Variants in CEP128 observed in about 807,000 individuals in gnomAD.
CEP128 encodes the protein centrosomal protein 128kDa.
CEP128 carries 132 observed loss-of-function variants against 156.7 expected under a neutral mutation model. The observed-to-expected ratio is 0.84, with a 90% CI of 0.73 to 0.97. The LOEUF (loss-of-function observed/expected upper bound fraction) is 0.97, where lower values mean the gene tolerates loss of function less well. CEP128 is among the 50% of genes least tolerant of loss of function. The pLI is 0.00. For missense variants in CEP128, 1,252 were observed against 1,281.9 expected, an observed-to-expected ratio of 0.98 and a Z score of 0.36; for synonymous variants, 469 against 448.9, an observed-to-expected ratio of 1.04 and a Z score of -0.57.
At chr14:80,639,216 C>G (rs1404962698) in intron 19 of CEP128, among the ~76,000 whole-genome samples, 1 of 152,080 alleles carries the variant, frequency 6.6e-6, no homozygotes, top group Non-Finnish European at 1.5e-5. Flanking sequence ...GATTGTGAAG[C>G]TATTATACAA....
intron 18 of CEP128, among the ~76,000 whole-genome samples, chr14:80,754,436 A>G (rs1395149762): frequency 1.3e-5 from 2 of 151,198 alleles, no homozygotes; most frequent in Non-Finnish European, 2.9e-5. Context: ...TGTCTTTCCT[A>G]AAGACCAGGA....
intron 20 of CEP128, among the ~76,000 whole-genome samples, chr14:80,579,187 G>A (rs2140440424): frequency 6.6e-6 from 1 of 152,192 alleles, no homozygotes; most frequent in South Asian, 2.1e-4. Context: ...GCCTAAAAAA[G>A]ACTTTCTCAA....
chr14:80,701,703 G>A (rs189069566), intron 19 of CEP128, among the ~76,000 whole-genome samples: 106 of 152,228 alleles, frequency 7.0e-4, no homozygotes, highest in African/African-American at 2.3e-3. Flanking sequence ...TACTCTATCA[G>A]TCTTCCCATC....
At chr14:80,910,416 C>T (rs1443928425) in intron 4 of CEP128, among the ~76,000 whole-genome samples, 3 of 152,116 alleles carry the variant, frequency 2.0e-5, no homozygotes, top group African/African-American at 4.8e-5. Flanking sequence ...ACCATCCCCG[C>T]TTGGTACTGT....
intron 16 of CEP128, among the ~76,000 whole-genome samples, chr14:80,776,026 G>T (rs58339189): frequency 6.6e-6 from 1 of 152,008 alleles, no homozygotes; most frequent in Non-Finnish European, 1.5e-5. Context: ...CAGAGACAGG[G>T]CTTCACCACG....
chr14:80,806,604 A>G (rs2139918289), intron 13 of CEP128, among the ~76,000 whole-genome samples: 1 of 152,312 alleles, frequency 6.6e-6, no homozygotes, highest in South Asian at 2.1e-4. Context: ...GAAAATTTTA[A>G]TAAAAATAGG....
chr14:80,703,781 T>TTG (rs1491159203), intron 19 of CEP128, among the ~76,000 whole-genome samples: 5 of 151,898 alleles, frequency 3.3e-5, no homozygotes, highest in African/African-American at 4.8e-5. Flanking sequence ...TTACCCACAC[T>TTG]TGTGTGTGTG....
intron 19 of CEP128, among the ~76,000 whole-genome samples, chr14:80,660,451 TAA>T (rs1178854134): frequency 6.6e-6 from 1 of 152,188 alleles, no homozygotes; most frequent in Non-Finnish European, 1.5e-5. Flanking sequence ...ATAAAAAATA[TAA>T]AGTTAGATCT....
At chr14:80,812,359 GAACATA>G in intron 13 of CEP128, among the ~76,000 whole-genome samples, 1 of 152,190 alleles carries the variant, frequency 6.6e-6, no homozygotes, top group Non-Finnish European at 1.5e-5. Context: ...GTGTTGCAAT[GAACATA>G]GACACCTATA....
chr14:80,730,593 A>G (rs922701148), intron 19 of CEP128, among the ~76,000 whole-genome samples: 12 of 152,220 alleles, frequency 7.9e-5, no homozygotes, highest in African/African-American at 2.9e-4. Context: ...AGAGAGACAA[A>G]TATTTCATGA....
chr14:80,605,631 C>T (rs1020397749), intron 19 of CEP128, among the ~76,000 whole-genome samples: 8 of 151,966 alleles, frequency 5.3e-5, no homozygotes, highest in Non-Finnish European at 1.0e-4. Flanking sequence ...GATTTTTTCA[C>T]AAATGGATTA....
At chr14:80,794,608 C>A (rs1901889907) in intron 13 of CEP128, among the ~76,000 whole-genome samples, 1 of 152,100 alleles carries the variant, frequency 6.6e-6, no homozygotes, top group African/African-American at 2.4e-5. Flanking sequence ...AGAAATGGAA[C>A]TGATTTTTCT....
intron 19 of CEP128, among the ~76,000 whole-genome samples, chr14:80,742,435 C>A (rs1217036426): frequency 6.6e-6 from 1 of 152,106 alleles, no homozygotes; most frequent in Non-Finnish European, 1.5e-5. Flanking sequence ...TACCAAGGTG[C>A]TTCTTCAGTC....
In CEP128 at chr14:80,524,856, T is replaced by C. The variant is rs770928752; in HGVS notation, c.3072+2013A>G. Among the ~76,000 whole-genome samples the C allele has an allele frequency of 2.0e-5, 3 of 152,332 alleles. No homozygotes were observed. The East Asian group carries it at 5.8e-4, about 29-fold the overall frequency. Reference sequence around the variant, plus strand: ...TCTATTCTATACTTGCACTATCTACTTGCAAAATTTTCAAATTTGTTTTTC... The same window carrying C: ...TCTATTCTATACTTGCACTATCTACCTGCAAAATTTTCAAATTTGTTTTTC... On this transcript the variant is annotated intron_variant, in intron 23 of 24. Coordinates refer to ENST00000555265, the MANE Select transcript of CEP128 (RefSeq NM_152446.5).
At chr14:80,508,695 T>A (rs554477283) in intron 23 of CEP128, among the ~76,000 whole-genome samples, 12 of 152,326 alleles carry the variant, frequency 7.9e-5, no homozygotes, top group African/African-American at 2.9e-4. Context: ...AAATATCATT[T>A]TCATTTCAGC....
intron 19 of CEP128, among the ~76,000 whole-genome samples, chr14:80,610,099 T>C (rs550694049): frequency 6.6e-6 from 1 of 152,254 alleles, no homozygotes; most frequent in South Asian, 2.1e-4. Flanking sequence ...AAAAATAATA[T>C]ATAAAACTTT....
chr14:80,586,916 T>C (rs1011878741), intron 19 of CEP128, among the ~76,000 whole-genome samples: 15 of 152,202 alleles, frequency 9.9e-5, no homozygotes, highest in African/African-American at 3.1e-4. Flanking sequence ...AATAAAGGTA[T>C]AACAATATGA....
rs185060245 is a variant in CEP128, at chr14:80,886,482, C to G, written c.645+9236G>C. ...AGAGTGGGGGCCAATATTCAACATT[C>G]TTAAAGAAAAGAATTTTCAATCCAG... On this transcript the variant is annotated intron_variant, in intron 8 of 24. Coordinates refer to ENST00000555265, the MANE Select transcript of CEP128 (RefSeq NM_152446.5). 6.9e-3 allele frequency among the ~76,000 whole-genome samples: 1,055 copies of G among 152,318 alleles called. 10 individuals carry two copies. Among genetic ancestry groups the G allele is most frequent in the African/African-American group, 0.024 (995 of 41,550 alleles).
intron 13 of CEP128, among the ~76,000 whole-genome samples, chr14:80,796,808 C>T (rs1045790933): frequency 2.6e-5 from 4 of 152,158 alleles, no homozygotes; most frequent in African/African-American, 9.7e-5. Context: ...TATCTAATGG[C>T]TTCATAACTT....
Sources: gnomAD v4.1 joint callset for allele counts (sites outside exome capture counted in the v4.1 genomes callset) on GRCh38, gnomAD v4.1.1 for gene constraint, MANE v1.5 for transcripts, NCBI Gene and HGNC (gene_info 2026-07-23, HGNC 2026-07-21) for gene names.